The following FARS2 variants were observed in gnomAD, a reference collection of about 807,000 sequenced individuals.
The protein encoded by FARS2 is phenylalanyl-tRNA synthetase 2, mitochondrial.
In FARS2, 40 loss-of-function variants were observed where a neutral mutation model predicts 46.4. That is an observed-to-expected ratio of 0.86 (90% CI 0.67 to 1.12). FARS2 has a LOEUF of 1.12. Ranked by LOEUF, FARS2 falls within the 50% of genes most tolerant of loss-of-function variation. The pLI is 0.00. For missense variants in FARS2, 513 were observed against 567.9 expected (o/e 0.90, Z 0.98); for synonymous variants, 234 against 214.9 (o/e 1.09, Z -0.78).
chr6:5,685,185 A>G (rs1428007732), intron 6 of FARS2, among the ~76,000 whole-genome samples: 1 of 152,198 alleles, frequency 6.6e-6, no homozygotes. Context: ...GGCCAGAACC[A>G]ATCAATAGTT....
intron 4 of FARS2, among the ~76,000 whole-genome samples, chr6:5,482,027 C>T (rs555168857): frequency 3.9e-5 from 6 of 152,190 alleles, no homozygotes; most frequent in Admixed American, 6.5e-5. Context: ...TCTCATGAAA[C>T]GGAGAGGAAA....
intron 1 of FARS2, among the ~76,000 whole-genome samples, chr6:5,270,682 C>CA (rs1312460276): frequency 6.6e-6 from 1 of 152,178 alleles, no homozygotes; most frequent in Non-Finnish European, 1.5e-5. Flanking sequence ...ACCTTCTCTC[C>CA]AAAAACCTGC....
chr6:5,532,741 ACT>A (rs1337411304), intron 4 of FARS2, among the ~76,000 whole-genome samples: 4 of 151,294 alleles, frequency 2.6e-5, no homozygotes, highest in Non-Finnish European at 5.9e-5. Context: ...ACAGTGTGAG[ACT>A]CTGTTTCAAA....
At chr6:5,635,341 G>C (rs1776490117) in intron 6 of FARS2, among the ~76,000 whole-genome samples, 1 of 152,124 alleles carries the variant, frequency 6.6e-6, no homozygotes, top group Non-Finnish European at 1.5e-5. Flanking sequence ...CTCAAAATAG[G>C]CACCTAGTTG....
chr6:5,695,433 T>G (rs753232055), intron 6 of FARS2, among the ~76,000 whole-genome samples: 4 of 152,270 alleles, frequency 2.6e-5, no homozygotes, highest in Non-Finnish European at 4.4e-5. Context: ...CTGGAGCTGT[T>G]AAGTGGTGAT....
intron 6 of FARS2, among the ~76,000 whole-genome samples, chr6:5,719,852 A>G (rs1026906811): frequency 6.6e-6 from 1 of 152,232 alleles, no homozygotes; most frequent in African/African-American, 2.4e-5. Context: ...CTTGTAAAGC[A>G]TAGTGTTTGC....
chr6:5,277,268 C>A (rs1766404275), intron 1 of FARS2, among the ~76,000 whole-genome samples: 1 of 149,558 alleles, frequency 6.7e-6, no homozygotes, highest in African/African-American at 2.5e-5. Flanking sequence ...TATTTGACTT[C>A]TTGAAAGACT....
intron 1 of FARS2, among the ~76,000 whole-genome samples, chr6:5,268,038 T>C (rs1396864231): frequency 2.0e-5 from 3 of 152,184 alleles, no homozygotes; most frequent in Non-Finnish European, 2.9e-5. Context: ...TCGCCCACTT[T>C]TTGATGGGGT....
chr6:5,510,637 TAG>T (rs1768391392), intron 4 of FARS2, among the ~76,000 whole-genome samples: 1 of 152,164 alleles, frequency 6.6e-6, no homozygotes, highest in Non-Finnish European at 1.5e-5. Flanking sequence ...CTGGACCTGC[TAG>T]AGAGCTAGCA....
intron 3 of FARS2, among the ~76,000 whole-genome samples, chr6:5,407,534 T>C (rs1761684723): frequency 6.6e-6 from 1 of 152,124 alleles, no homozygotes; most frequent in Admixed American, 6.5e-5. Flanking sequence ...TTCAGGATAA[T>C]GTTTTTCTAG....
intron 6 of FARS2, among the ~76,000 whole-genome samples, chr6:5,617,647 G>T (rs559822173): frequency 1.1e-3 from 171 of 152,188 alleles, no homozygotes; most frequent in African/African-American, 3.9e-3. Flanking sequence ...TGAATTGAGG[G>T]TATTCTTTTT....
At chr6:5,444,555 C>G (rs1407357773) in intron 4 of FARS2, among the ~76,000 whole-genome samples, 2 of 148,560 alleles carry the variant, frequency 1.3e-5, no homozygotes, top group African/African-American at 5.0e-5. Flanking sequence ...TAATTAGTCT[C>G]AGGTCGAAGA....
intron 5 of FARS2, among the ~76,000 whole-genome samples, chr6:5,602,632 T>G (rs1774590035): frequency 9.9e-6 from 1 of 100,946 alleles, no homozygotes; most frequent in African/African-American, 4.1e-5. Context: ...GGCAATAGAG[T>G]GAGACTCCGT....
intron 2 of FARS2, among the ~76,000 whole-genome samples, chr6:5,394,978 G>A (rs772334486): frequency 5.3e-5 from 8 of 151,654 alleles, no homozygotes; most frequent in Non-Finnish European, 8.8e-5. Context: ...TTTTTTTGCC[G>A]TTTCTTAGTT....
chr6:5,717,921 T>TAGAGAGAGAGAGAGAGAG (rs1561818430), intron 6 of FARS2, among the ~76,000 whole-genome samples: 16 of 30,520 alleles, frequency 5.2e-4, no homozygotes, highest in South Asian at 1.9e-3. Context: ...TATATATATA[T>TAGAGAGAGAGAGAGAGAG]ATATATATAT....
chr6:5,588,720 G>A (rs1297765148), intron 5 of FARS2, among the ~76,000 whole-genome samples: 3 of 152,164 alleles, frequency 2.0e-5, no homozygotes, highest in East Asian at 1.9e-4. Flanking sequence ...AGTAATCACC[G>A]TTTATTTGAT....
At chr6:5,358,297 TTA>T (rs150604434) in intron 1 of FARS2, among the ~76,000 whole-genome samples, 3 of 151,724 alleles carry the variant, frequency 2.0e-5, no homozygotes, top group Non-Finnish European at 4.4e-5. Context: ...TTAAAAACTG[TTA>T]TATATATATG....
At chr6:5,438,808 C>A (rs1244501722) in intron 4 of FARS2, among the ~76,000 whole-genome samples, 2 of 152,184 alleles carry the variant, frequency 1.3e-5, no homozygotes, top group Non-Finnish European at 2.9e-5. Flanking sequence ...CATGTCCATG[C>A]TCAAAAAGTT....
intron 4 of FARS2, among the ~76,000 whole-genome samples, chr6:5,481,531 C>T (rs1181089194): frequency 6.6e-6 from 1 of 152,166 alleles, no homozygotes; most frequent in African/African-American, 2.4e-5. Context: ...TGTCTCCAGC[C>T]ATTTGTTACA....
Sources: allele counts gnomAD v4.1 joint callset (sites outside exome capture counted in the v4.1 genomes callset), GRCh38; gene constraint gnomAD v4.1.1; transcripts MANE v1.5; gene names NCBI Gene and HGNC (gene_info 2026-07-23, HGNC 2026-07-21).